Variants in PRELID2 observed in about 807,000 individuals in gnomAD.
PRELID2 encodes PRELI domain-containing protein 2.
In PRELID2, 25 loss-of-function variants were observed where a neutral mutation model predicts 28.4. That is an observed-to-expected ratio of 0.88 (90% confidence interval 0.64 to 1.23). The LOEUF is 1.23. Ranked by LOEUF, PRELID2 falls within the 50% of genes most tolerant of loss-of-function variation. PRELID2 has a pLI of 0.00. For missense variants in PRELID2, 201 were observed against 214.4 expected, an observed-to-expected ratio of 0.94 and a Z score of 0.39; for synonymous variants, 76 against 71.6, an observed-to-expected ratio of 1.06 and a Z score of -0.31.
chr5:145,383,628 A>T, the PRELID2 span, among the ~76,000 whole-genome samples: 1 of 151,760 alleles, frequency 6.6e-6, no homozygotes, highest in African/African-American at 2.4e-5. Context: ...CATGCAAAAA[A>T]AAAAAAACCT....
chr5:145,654,881 G>A (rs970915396), intron 1 of PRELID2, among the ~76,000 whole-genome samples: 5 of 152,120 alleles, frequency 3.3e-5, no homozygotes, highest in Non-Finnish European at 5.9e-5. Context: ...TCAACATAGT[G>A]TTGGAAATTC....
At chr5:145,800,305 C>CAT (rs1194111859) in intron 4 of PRELID2, among the ~76,000 whole-genome samples, 13 of 147,536 alleles carry the variant, frequency 8.8e-5, no homozygotes, top group Admixed American at 1.4e-4. Flanking sequence ...TTCTCTTACA[C>CAT]ACACACACAC....
At chr5:145,365,149 G>A in the PRELID2 span, among the ~76,000 whole-genome samples, 1 of 151,862 alleles carries the variant, frequency 6.6e-6, no homozygotes, top group Non-Finnish European at 1.5e-5. Flanking sequence ...GTTGATCAAA[G>A]GGTACGAAAT....
At chr5:145,246,865 G>T in the PRELID2 span, among the ~76,000 whole-genome samples, 1 of 152,122 alleles carries the variant, frequency 6.6e-6, no homozygotes, top group Non-Finnish European at 1.5e-5. Context: ...TGTATGGTTT[G>T]ACTCTGAAAC....
chr5:145,738,225 G>A (rs1389882348), intron 1 of PRELID2, among the ~76,000 whole-genome samples: 5 of 151,996 alleles, frequency 3.3e-5, no homozygotes, highest in East Asian at 1.9e-4. Context: ...CACAATAACC[G>A]AGCTAAAACA....
chr5:145,349,739 G>C, the PRELID2 span, among the ~76,000 whole-genome samples: 29 of 151,952 alleles, frequency 1.9e-4, no homozygotes, highest in Non-Finnish European at 8.8e-5. Flanking sequence ...TTCAGAATAT[G>C]GTCTTTATTA....
At chr5:145,707,386 A>G (rs1406518961) in intron 1 of PRELID2, among the ~76,000 whole-genome samples, 2 of 152,210 alleles carry the variant, frequency 1.3e-5, no homozygotes, top group Non-Finnish European at 2.9e-5. Flanking sequence ...TGAGTGCGCC[A>G]GTAATGTCGG....
intron 5 of PRELID2, among the ~76,000 whole-genome samples, chr5:145,787,440 C>A (rs1381746949): frequency 6.6e-6 from 1 of 152,016 alleles, no homozygotes; most frequent in Non-Finnish European, 1.5e-5. Context: ...TCACTTCACA[C>A]GGAAGATGTC....
intron 1 of PRELID2, among the ~76,000 whole-genome samples, chr5:145,745,753 C>T (rs1294010024): frequency 6.6e-6 from 1 of 152,064 alleles, no homozygotes; most frequent in Non-Finnish European, 1.5e-5. Context: ...ATCCCAGCTA[C>T]TCAGGAGGCT....
chr5:145,825,690 A>G (rs1755149955), intron 1 of PRELID2, among the ~76,000 whole-genome samples: 1 of 152,202 alleles, frequency 6.6e-6, no homozygotes, highest in East Asian at 1.9e-4. Context: ...AAACTCAAAT[A>G]CTTCACACTT....
the PRELID2 span, among the ~76,000 whole-genome samples, chr5:145,249,771 A>G: frequency 6.6e-6 from 1 of 152,130 alleles, no homozygotes; most frequent in Non-Finnish European, 1.5e-5. Context: ...CTAAAGGGAT[A>G]TTATGATTCT....
At chr5:145,790,918 A>C (rs1480117865) in intron 5 of PRELID2, among the ~76,000 whole-genome samples, 1 of 145,836 alleles carries the variant, frequency 6.9e-6, no homozygotes, top group Non-Finnish European at 1.5e-5. Context: ...TATACCAAAA[A>C]GAATTGGAAG....
At chr5:145,315,156 G>A in the PRELID2 span, among the ~76,000 whole-genome samples, 6 of 135,908 alleles carry the variant, frequency 4.4e-5, no homozygotes, top group South Asian at 2.5e-4. Flanking sequence ...TGCAACCTCC[G>A]CCTCCCGGGC....
chr5:145,707,679 G>A (rs1201351062), intron 1 of PRELID2, among the ~76,000 whole-genome samples: 3 of 152,086 alleles, frequency 2.0e-5, no homozygotes, highest in Admixed American at 6.5e-5. Context: ...GGCTCTGAAC[G>A]AACACTGAGA....
intron 1 of PRELID2, among the ~76,000 whole-genome samples, chr5:145,729,604 C>T (rs143337157): frequency 1.3e-3 from 197 of 152,306 alleles, no homozygotes; most frequent in African/African-American, 4.5e-3. Flanking sequence ...CATTGTTACC[C>T]TGGTTCTTCC....
At chr5:145,728,990 G>A (rs567655183) in intron 1 of PRELID2, 24 of 744,516 alleles carry the variant, frequency 3.2e-5, no homozygotes, top group Admixed American at 2.4e-4. Flanking sequence ...GAGGATCAGA[G>A]GGGTCCCACT....
At chr5:145,539,178 G>T (rs1752727069) in intron 1 of PRELID2, among the ~76,000 whole-genome samples, 1 of 151,978 alleles carries the variant, frequency 6.6e-6, no homozygotes, top group South Asian at 2.1e-4. Flanking sequence ...TATAACACGT[G>T]GGGTATGAGG....
chr5:145,385,968 A>C, the PRELID2 span, among the ~76,000 whole-genome samples: 1 of 152,002 alleles, frequency 6.6e-6, no homozygotes, highest in African/African-American at 2.4e-5. Flanking sequence ...CTATGTGTCA[A>C]GGGAGGGACA....
At chr5:145,392,880 A>G in the PRELID2 span, among the ~76,000 whole-genome samples, 1 of 152,184 alleles carries the variant, frequency 6.6e-6, no homozygotes, top group Non-Finnish European at 1.5e-5. Flanking sequence ...CAATGGCATG[A>G]ATCCACATTG....
Sources: allele counts gnomAD v4.1 joint callset (sites outside exome capture counted in the v4.1 genomes callset), GRCh38; gene constraint gnomAD v4.1.1; transcripts MANE v1.5; gene names NCBI Gene and HGNC (gene_info 2026-07-23, HGNC 2026-07-21).